Variants in HUWE1 observed in about 807,000 individuals in gnomAD.
HUWE1 encodes the protein HECT, UBA and WWE domain containing E3 ubiquitin protein ligase 1, also known as E3 ubiquitin-protein ligase HUWE1.
A neutral mutation model predicts 299.4 loss-of-function variants in HUWE1; 18 were observed. That is an observed-to-expected ratio of 0.06 (90% CI 0.04 to 0.09). The LOEUF (loss-of-function observed/expected upper bound fraction) is 0.09. HUWE1 is among the 10% of genes least tolerant of loss of function. HUWE1 has a pLI of 1.00. For missense variants in HUWE1, 1,832 were observed against 3,462.3 expected (o/e 0.53, Z 11.82); for synonymous variants, 1,317 against 1,286.1 (o/e 1.02, Z -0.51).
At chrX:53,658,174 A>G (rs1213669500) in intron 3 of HUWE1, among the ~76,000 whole-genome samples, 1 of 111,415 alleles carries the variant, frequency 9.0e-6, no homozygotes, top group Non-Finnish European at 1.9e-5. Context: ...CAAAATATGT[A>G]TAAGGTCTAT....
At chrX:53,570,863 A>T (rs1449772056) in intron 47 of HUWE1, among the ~76,000 whole-genome samples, 1 of 112,928 alleles carries the variant, frequency 8.9e-6, no homozygotes, top group Non-Finnish European at 1.9e-5. Context: ...TTTTACCTCA[A>T]TAAAGAAAAT....
At chrX:53,648,098 T>C in intron 5 of HUWE1, 114 bp downstream of exon 5, 1 of 550,926 alleles carries the variant, frequency 1.8e-6, no homozygotes, top group Admixed American at 2.6e-5. Flanking sequence ...TGCTAGATGC[T>C]TATTAATTGC....
In HUWE1 at chrX:53,614,649, G is replaced by A; in HGVS notation, c.2146C>T (p.Pro716Ser). ...TCTTCTGCGGCATGATTAGACCTTGGGGGAGGAGCAGTGGCAGTGCCATCT... is the reference window on the plus strand; with the variant it reads ...TCTTCTGCGGCATGATTAGACCTTGAGGGAGGAGCAGTGGCAGTGCCATCT... ...KADGTATAPP[P>S]RSNHAAEEAS... The change falls in exon 23 of 84, where the codon CCA becomes TCA. Residue 716 changes from proline to serine, a missense_variant. Physicochemically the swap from Pro to Ser is moderately conservative, Grantham distance 74. This residue lies in a region of HUWE1 where 658 missense variants were observed against 1,282.6 expected (regional missense o/e 0.51). Transcript: ENST00000262854. 1.7e-6 allele frequency: 2 copies of A among 1,207,701 alleles called. No individual in the cohort carries two copies. The highest frequency in any genetic ancestry group is 2.2e-6 in the Non-Finnish European group (2 of 891,841).
intron 80 of HUWE1, 97 bp downstream of exon 80, chrX:53,536,050 A>C: frequency 1.8e-6 from 1 of 560,281 alleles, no homozygotes; most frequent in Non-Finnish European, 3.2e-6. Context: ...CTTCCTTAGA[A>C]CTATGAGAAG....
rs370091085 is a variant in HUWE1, at chrX:53,624,602, G to A, written c.1665C>T (p.Phe555=). The change falls in exon 19 of 84, where the codon TTC becomes TTT. Residue 555 remains phenylalanine (F), a synonymous_variant. Coordinates refer to ENST00000262854, the MANE Select transcript of HUWE1 (RefSeq NM_031407.7). ...SNAEYYGPSL[F]LLATEVVTVF... ...ACTATCAACTCCACTTACCTAGGAG[G>A]AAGAGTGATGGGCCATAGTATTCTG... The A allele has an allele frequency of 2.5e-6, 3 of 1,193,311 alleles. No individual in the cohort carries two copies. In the African/African-American group the frequency reaches 5.3e-5, roughly 21 times the overall value.
chrX:53,584,274 A>C lies in HUWE1; in HGVS notation c.5073T>G (p.Asn1691Lys). ...GTTCCTGTCCATTGCTGTTTTTTGA[A>C]TTTTTATTCAGCCGAGGTACCCTGA... ...TLLRVPRLNKNSKNSNGQELE... is the reference protein window; with the variant it reads ...TLLRVPRLNKKSKNSNGQELE... Residue 1691 changes from asparagine to lysine, a missense_variant, in exon 41 of 84, where the codon AAT (asparagine) becomes AAG (lysine). Asn to Lys is a moderately conservative substitution (Grantham distance 94). Transcript: ENST00000262854. The C allele has an allele frequency of 1.7e-6, 2 of 1,206,152 alleles. No individual in the cohort carries two copies. The highest frequency in any genetic ancestry group is 2.2e-6 in the Non-Finnish European group (2 of 891,083).
At chrX:53,588,562 A>T (rs1291020338) in intron 36 of HUWE1, 28 bp from the exon 37 acceptor site, 1 of 1,180,570 alleles carries the variant, frequency 8.5e-7, no homozygotes, top group Non-Finnish European at 1.1e-6. Flanking sequence ...GGGTTAAGTC[A>T]CGGAACCGCA....
At chrX:53,684,124 G>A (rs2070346807) in intron 2 of HUWE1, 1 of 262,169 alleles carries the variant, frequency 3.8e-6, no homozygotes, top group Non-Finnish European at 6.8e-6. Flanking sequence ...CCTACGCGAA[G>A]CGAAAAGCAA....
intron 3 of HUWE1, among the ~76,000 whole-genome samples, chrX:53,656,361 C>A (rs183332924): frequency 4.1e-4 from 44 of 107,571 alleles, no homozygotes; most frequent in African/African-American, 1.4e-3. Flanking sequence ...GGCGACAGAG[C>A]GAGACTCCAT....
chrX:53,581,633 G>T (rs1388895227), intron 42 of HUWE1, among the ~76,000 whole-genome samples: 1 of 110,774 alleles, frequency 9.0e-6, no homozygotes, highest in African/African-American at 3.3e-5. Context: ...CAAACTACAT[G>T]CTCACAATGA....
chrX:53,580,471 G>A (rs2063562435), intron 43 of HUWE1, among the ~76,000 whole-genome samples: 1 of 112,199 alleles, frequency 8.9e-6, no homozygotes, highest in Admixed American at 9.4e-5. Context: ...GGAATACACA[G>A]ATGACGTCTA....
chrX:53,652,215 GT>G (rs1291806693), intron 4 of HUWE1, among the ~76,000 whole-genome samples: 1 of 111,679 alleles, frequency 9.0e-6, no homozygotes, highest in African/African-American at 3.3e-5. Context: ...TTCCATTATG[GT>G]TTTTTTCCTT....
intron 3 of HUWE1, among the ~76,000 whole-genome samples, chrX:53,666,298 T>C (rs2069248760): frequency 9.0e-6 from 1 of 111,015 alleles, no homozygotes; most frequent in South Asian, 3.8e-4. Context: ...ATTAGATTAT[T>C]ATTCAATATA....
At chrX:53,551,688 A>AT (rs1282406533) in intron 63 of HUWE1, among the ~76,000 whole-genome samples, 4 of 110,545 alleles carry the variant, frequency 3.6e-5, no homozygotes, top group African/African-American at 1.3e-4. Flanking sequence ...TTACATATAT[A>AT]TTTTTGTAGA....
Position 53,681,142 on chromosome X carries a change from A to G in HUWE1, c.-162-956T>C, listed in dbSNP as rs1316948888. 2.7e-5 allele frequency among the ~76,000 whole-genome samples: 3 copies of G among 111,442 alleles called. No homozygotes were observed. The East Asian group carries it at 8.4e-4, about 31-fold the overall frequency. Reference sequence around the variant, plus strand: ...AAATTGTAAAATGCTACACTTTAATATTGGTCTAATCAATATATTAACAGT... The same window carrying G: ...AAATTGTAAAATGCTACACTTTAATGTTGGTCTAATCAATATATTAACAGT... On this transcript the variant is annotated intron_variant, in intron 2 of 83. Transcript: ENST00000262854.
Position 53,604,842 on chromosome X carries a change from A to G in HUWE1, c.2497-8T>C. 1 of 1,198,982 alleles carries G rather than the reference A, an allele frequency of 8.3e-7. No homozygotes were observed. Among genetic ancestry groups the G allele is most frequent in the Non-Finnish European group, 1.1e-6 (1 of 883,877 alleles). ...GGGTTCATGTGACAGTGTCTGAAAC[A>G]GGAAGAATAATTAAAGTGTTAATAT... is the stretch of plus-strand genomic sequence containing the variant. On this transcript the variant is annotated splice_polypyrimidine_tract_variant and splice_region_variant and intron_variant, in intron 25 of 83. Coordinates refer to ENST00000262854, the MANE Select transcript of HUWE1 (RefSeq NM_031407.7).
intron 49 of HUWE1, among the ~76,000 whole-genome samples, chrX:53,567,578 A>G (rs781838042): frequency 1.2e-4 from 14 of 112,325 alleles, no homozygotes; most frequent in Non-Finnish European, 2.6e-4. Flanking sequence ...ATTATATTTT[A>G]GCACAACCAG....
intron 2 of HUWE1, among the ~76,000 whole-genome samples, chrX:53,682,814 G>A (rs1557053963): frequency 9.0e-6 from 1 of 111,526 alleles, no homozygotes; most frequent in Non-Finnish European, 1.9e-5. Context: ...AGGCAGGGAA[G>A]ACAGAAAGCG....
chrX:53,538,720 ACACACTCTCT>A (rs1213028760), intron 76 of HUWE1, 105 bp downstream of exon 76: 21 of 564,078 alleles, frequency 3.7e-5, no homozygotes, highest in African/African-American at 5.1e-5. Context: ...ACACACACAC[ACACACTCTCT>A]CTCTCTCTCT....
Sources: gnomAD v4.1 joint callset for allele counts (sites outside exome capture counted in the v4.1 genomes callset) on GRCh38, gnomAD v4.1.1 for gene constraint, gnomAD v4.1.1 regional missense constraint, MANE v1.5 for transcripts, NCBI Gene and HGNC (gene_info 2026-07-23, HGNC 2026-07-21) for gene names.